The following TSPAN15 variants were observed in gnomAD, a reference collection of about 807,000 sequenced individuals.
TSPAN15 encodes the protein tetraspanin-15.
A neutral mutation model predicts 34.5 loss-of-function variants in TSPAN15; 20 were observed. That is an observed-to-expected ratio of 0.58 (90% CI 0.41 to 0.84). The LOEUF is 0.84. Among genes scored for constraint, TSPAN15 ranks in the 40% least tolerant of loss-of-function variants. The probability of loss-of-function intolerance (pLI) is 0.00; values close to 1 mark genes in which losing one functional copy is unlikely to be tolerated. For missense variants in TSPAN15, 313 were observed against 386.1 expected (o/e 0.81, Z 1.59); for synonymous variants, 155 against 153.9 (o/e 1.01, Z -0.05).
At chr10:69,463,860 T>TATTTCC (rs1841324169) in intron 1 of TSPAN15, among the ~76,000 whole-genome samples, 1 of 150,638 alleles carries the variant, frequency 6.6e-6, no homozygotes, top group South Asian at 2.1e-4. Flanking sequence ...CTAGAACCTG[T>TATTTCC]GAATGTAACC....
intron 1 of TSPAN15, among the ~76,000 whole-genome samples, chr10:69,461,958 G>A (rs1324984312): frequency 6.9e-6 from 1 of 145,016 alleles, no homozygotes; most frequent in African/African-American, 2.6e-5. Flanking sequence ...TGATTCAGTG[G>A]GTCTGGTCTA....
At chr10:69,483,292 G>T (rs1289200725) in intron 1 of TSPAN15, among the ~76,000 whole-genome samples, 6 of 152,100 alleles carry the variant, frequency 3.9e-5, no homozygotes, top group African/African-American at 1.4e-4. Context: ...CCGGCCTGCA[G>T]GGTTGATTTC....
At chr10:69,477,659 G>A (rs1157157932) in intron 1 of TSPAN15, among the ~76,000 whole-genome samples, 1 of 152,236 alleles carries the variant, frequency 6.6e-6, no homozygotes, top group Non-Finnish European at 1.5e-5. Flanking sequence ...GCATCATCTA[G>A]GAAGTTCTCA....
chr10:69,518,190 T>G, the TSPAN15 span, among the ~76,000 whole-genome samples: 19 of 152,318 alleles, frequency 1.2e-4, no homozygotes, highest in African/African-American at 4.3e-4. Flanking sequence ...ACGCAATGAA[T>G]AGCAGATCTG....
chr10:69,454,339 G>A (rs1473096497), intron 1 of TSPAN15, among the ~76,000 whole-genome samples: 1 of 152,108 alleles, frequency 6.6e-6, no homozygotes, highest in Non-Finnish European at 1.5e-5. Flanking sequence ...CTAACATGGT[G>A]AAACCTCATC....
At chr10:69,496,915 A>G (rs1013337102) in intron 4 of TSPAN15, among the ~76,000 whole-genome samples, 12 of 152,120 alleles carry the variant, frequency 7.9e-5, no homozygotes, top group African/African-American at 2.9e-4. Context: ...TGGGGATTTC[A>G]TTTCTCCTGG....
chr10:69,531,906 A>G, the TSPAN15 span, among the ~76,000 whole-genome samples: 5 of 151,388 alleles, frequency 3.3e-5, no homozygotes, highest in South Asian at 4.2e-4. Flanking sequence ...CCCCTTTTAC[A>G]TAGCTGCAAA....
At chr10:69,540,222 C>G in the TSPAN15 span, among the ~76,000 whole-genome samples, 1 of 152,158 alleles carries the variant, frequency 6.6e-6, no homozygotes, top group East Asian at 2.0e-4. Context: ...GAAACCCCAT[C>G]TCTACAAAAA....
At chr10:69,463,470 C>G (rs1017949881) in intron 1 of TSPAN15, among the ~76,000 whole-genome samples, 43 of 152,260 alleles carry the variant, frequency 2.8e-4, no homozygotes, top group African/African-American at 9.6e-4. Context: ...ATTTCTCACT[C>G]TGACTGGTGA....
At chr10:69,528,906 G>A in the TSPAN15 span, among the ~76,000 whole-genome samples, 2 of 148,006 alleles carry the variant, frequency 1.4e-5, no homozygotes, top group African/African-American at 4.9e-5. Context: ...GGCAGCCATA[G>A]GCGGGCCTGG....
chr10:69,459,105 C>CAAAAAAAAAAAAAAAAA (rs1259881929), intron 1 of TSPAN15, among the ~76,000 whole-genome samples: 1 of 57,732 alleles, frequency 1.7e-5, no homozygotes. Context: ...ACAAAACAGA[C>CAAAAAAAAAAAAAAAAA]AAAAAAAAAA....
At chr10:69,523,864 G>T in the TSPAN15 span, among the ~76,000 whole-genome samples, 1 of 147,678 alleles carries the variant, frequency 6.8e-6, no homozygotes, top group Non-Finnish European at 1.5e-5. Context: ...ATTCCTCTTT[G>T]CCAGGATTGG....
At chr10:69,468,303 G>A (rs574450045) in intron 1 of TSPAN15, among the ~76,000 whole-genome samples, 5 of 152,188 alleles carry the variant, frequency 3.3e-5, no homozygotes, top group African/African-American at 9.7e-5. Flanking sequence ...GGGGAGACCC[G>A]GTGTGCCCTG....
At position 69,507,484 on chromosome 10, in the gene TSPAN15, T is replaced by C; in HGVS notation, c.*506T>C. 7.7e-7 allele frequency: 1 copy of C among 1,304,304 alleles called. No homozygotes were observed. The highest frequency in any genetic ancestry group is 1.2e-5 in the South Asian group (1 of 80,908). 80.8% of individuals were successfully genotyped at this position (1,304,304 alleles called of 1,614,324 possible). The stretch of plus-strand genomic sequence containing the variant: ...GCCTCCCAGGTGCCTTGAGCCCTCT[T>C]GCAAGGGCGGCTGCTTCCTTGAGCC... On this transcript the variant is annotated 3_prime_UTR_variant, in exon 8 of 8. Transcript: ENST00000373290.
At chr10:69,497,857 C>T (rs758821034) in intron 4 of TSPAN15, among the ~76,000 whole-genome samples, 1 of 152,124 alleles carries the variant, frequency 6.6e-6, no homozygotes, top group Non-Finnish European at 1.5e-5. Flanking sequence ...CGGGGTGGCT[C>T]CTAGGGTGGG....
At chr10:69,495,213 G>A (rs952334957) in intron 3 of TSPAN15, 11 of 187,330 alleles carry the variant, frequency 5.9e-5, no homozygotes, top group South Asian at 1.2e-4. Flanking sequence ...ATCCCTGGGC[G>A]GTAGAAAGAG....
At chr10:69,501,944 T>C (rs1564616178) in intron 5 of TSPAN15, among the ~76,000 whole-genome samples, 1 of 152,092 alleles carries the variant, frequency 6.6e-6, no homozygotes, top group African/African-American at 2.4e-5. Context: ...TGATCTGAGG[T>C]GGAATGGTTT....
intron 1 of TSPAN15, among the ~76,000 whole-genome samples, chr10:69,467,032 C>T (rs1165655955): frequency 1.3e-5 from 2 of 152,210 alleles, no homozygotes; most frequent in Non-Finnish European, 2.9e-5. Flanking sequence ...TACCTCCTTT[C>T]CCGGCTGCCA....
At chr10:69,462,753 G>T (rs744519) in intron 1 of TSPAN15, among the ~76,000 whole-genome samples, 60,671 of 152,096 alleles carry the variant, frequency 0.4, 12,611 homozygotes, top group Non-Finnish European at 0.45. Context: ...CAGGACACCT[G>T]TCTCTGCAGG....
Sources: gnomAD v4.1 joint callset for allele counts (sites outside exome capture counted in the v4.1 genomes callset) on GRCh38, gnomAD v4.1.1 for gene constraint, MANE v1.5 for transcripts, NCBI Gene and HGNC (gene_info 2026-07-23, HGNC 2026-07-21) for gene names.